Variants in ADAMTSL1 observed in about 807,000 individuals in gnomAD.
ADAMTSL1 encodes ADAMTS like 1.
In ADAMTSL1, 126 loss-of-function variants were observed where a neutral mutation model predicts 201.8. The observed-to-expected ratio is 0.62, with a 90% CI of 0.54 to 0.72. ADAMTSL1 has a LOEUF of 0.72. Ranked by LOEUF, ADAMTSL1 falls within the 30% of genes least tolerant of loss-of-function variation. The probability of loss-of-function intolerance (pLI) is 0.00; values close to 1 mark genes in which losing one functional copy is unlikely to be tolerated. For synonymous variants in ADAMTSL1, 1,121 were observed against 903.4 expected (o/e 1.24, Z -4.32); for missense variants, 2,679 against 2,277.8 (o/e 1.18, Z -3.59).
At chr9:18,247,532 T>C (rs1831304219) in intron 2 of ADAMTSL1, among the ~76,000 whole-genome samples, 2 of 152,184 alleles carry the variant, frequency 1.3e-5, no homozygotes, top group African/African-American at 4.8e-5. Context: ...TGGTGGGAAG[T>C]GCTAAAATGA....
At chr9:18,894,216 G>A (rs940429490) in intron 26 of ADAMTSL1, among the ~76,000 whole-genome samples, 17 of 152,332 alleles carry the variant, frequency 1.1e-4, no homozygotes, top group African/African-American at 2.6e-4. Flanking sequence ...CAGGCACAAC[G>A]GCTCATGCCG....
At chr9:18,796,155 T>C (rs146138744) in intron 20 of ADAMTSL1, among the ~76,000 whole-genome samples, 2 of 152,240 alleles carry the variant, frequency 1.3e-5, no homozygotes, top group Non-Finnish European at 2.9e-5. Context: ...AAAAGACATG[T>C]AGAGCTTTTA....
At chr9:18,213,717 C>T (rs1378209060) in intron 2 of ADAMTSL1, among the ~76,000 whole-genome samples, 1 of 152,074 alleles carries the variant, frequency 6.6e-6, no homozygotes, top group Non-Finnish European at 1.5e-5. Context: ...CCTGAGAGAT[C>T]TGAGACAGAA....
chr9:18,477,889 G>T (rs1258825595), intron 1 of ADAMTSL1, among the ~76,000 whole-genome samples: 2 of 152,102 alleles, frequency 1.3e-5, no homozygotes, highest in Non-Finnish European at 2.9e-5. Flanking sequence ...TAAGTTGAGG[G>T]AAGAGTGTCC....
intron 2 of ADAMTSL1, among the ~76,000 whole-genome samples, chr9:18,344,213 T>C (rs1409106612): frequency 2.0e-5 from 3 of 152,310 alleles, no homozygotes; most frequent in East Asian, 3.9e-4. Flanking sequence ...TAGGCTCTAA[T>C]GATTTTTTTC....
chr9:18,776,458 T>C (rs1820998680), intron 18 of ADAMTSL1, among the ~76,000 whole-genome samples: 1 of 152,202 alleles, frequency 6.6e-6, no homozygotes, highest in South Asian at 2.1e-4. Context: ...TCTAGAACTC[T>C]GCATCTCAGC....
rs367933655 is a variant in ADAMTSL1 at position 18,706,988 on chromosome 9, G to A, written c.1816G>A (p.Asp606Asn). The A allele has an allele frequency of 1.2e-3, 1,982 of 1,613,930 alleles. 34 individuals are homozygous for A. The South Asian group carries it at 0.021, about 17-fold the overall frequency. The change falls in exon 14 of 29, where the codon GAC (aspartate) becomes AAC (asparagine). Residue 606 changes from aspartate to asparagine, a missense_variant. Coordinates refer to ENST00000380548, the MANE Select transcript of ADAMTSL1 (RefSeq NM_001040272.6). ...GCTCTTTGGTGGCCTGCAGGATTTC[G>A]ACGAGCTGTATGACTGGGAGTATGA... Reference protein sequence around the residue: ...DGLFGGLQDFDELYDWEYEGF... With the variant: ...DGLFGGLQDFNELYDWEYEGF...
intron 2 of ADAMTSL1, among the ~76,000 whole-genome samples, chr9:18,400,626 C>G (rs1435668709): frequency 6.6e-6 from 1 of 152,120 alleles, no homozygotes; most frequent in African/African-American, 2.4e-5. Context: ...GAGTGAATTT[C>G]CATTTTGACT....
chr9:18,331,477 C>CA (rs2132909783), intron 2 of ADAMTSL1, among the ~76,000 whole-genome samples: 1 of 152,216 alleles, frequency 6.6e-6, no homozygotes, highest in East Asian at 1.9e-4. Flanking sequence ...TCTGAATGAA[C>CA]AATAGTAATT....
chr9:18,670,919 T>C (rs1564136278), intron 9 of ADAMTSL1, among the ~76,000 whole-genome samples: 1 of 142,348 alleles, frequency 7.0e-6, no homozygotes. Context: ...ATGCCTTCCA[T>C]ATATAAAGTG....
chr9:18,724,859 C>G (rs1005798629), intron 15 of ADAMTSL1, among the ~76,000 whole-genome samples: 3 of 151,994 alleles, frequency 2.0e-5, no homozygotes, highest in Non-Finnish European at 4.4e-5. Context: ...TTTCCTTAAG[C>G]TTAAGGATTT....
intron 1 of ADAMTSL1, among the ~76,000 whole-genome samples, chr9:17,922,827 A>G (rs1465296970): frequency 6.6e-6 from 1 of 152,152 alleles, no homozygotes; most frequent in Non-Finnish European, 1.5e-5. Context: ...TATTTGTAGT[A>G]ACTGCAGTTG....
At chr9:18,515,282 T>G (rs1818295498) in intron 2 of ADAMTSL1, among the ~76,000 whole-genome samples, 1 of 152,152 alleles carries the variant, frequency 6.6e-6, no homozygotes, top group South Asian at 2.1e-4. Context: ...GAGGTTTATC[T>G]CTAGCTCCCT....
At chr9:18,904,329 T>A (rs190235616) in intron 26 of ADAMTSL1, among the ~76,000 whole-genome samples, 1 of 151,916 alleles carries the variant, frequency 6.6e-6, no homozygotes. Context: ...ATTAGCCGGG[T>A]GTGATGGCAC....
At chr9:18,542,091 AG>A (rs1352362269) in intron 3 of ADAMTSL1, among the ~76,000 whole-genome samples, 1 of 152,224 alleles carries the variant, frequency 6.6e-6, no homozygotes, top group African/African-American at 2.4e-5. Flanking sequence ...TGAATAAGTT[AG>A]GGGGACTTTC....
chr9:18,150,783 G>C (rs187788117), intron 1 of ADAMTSL1, among the ~76,000 whole-genome samples: 6 of 152,128 alleles, frequency 3.9e-5, no homozygotes, highest in Non-Finnish European at 7.4e-5. Flanking sequence ...GCAGATGGAA[G>C]AGATTTGCCT....
At chr9:18,234,580 A>C (rs1016729923) in intron 2 of ADAMTSL1, among the ~76,000 whole-genome samples, 2 of 152,190 alleles carry the variant, frequency 1.3e-5, no homozygotes, top group African/African-American at 4.8e-5. Context: ...CAAAACCTGA[A>C]TCCCAGTTTG....
chr9:18,359,222 T>G (rs1836391427), intron 2 of ADAMTSL1, among the ~76,000 whole-genome samples: 1 of 152,206 alleles, frequency 6.6e-6, no homozygotes, highest in East Asian at 1.9e-4. Context: ...AGGAGTTTTG[T>G]GTATAAAGAT....
chr9:18,247,319 G>A (rs964391048), intron 2 of ADAMTSL1, among the ~76,000 whole-genome samples: 13 of 152,086 alleles, frequency 8.5e-5, no homozygotes, highest in African/African-American at 3.1e-4. Context: ...AGATATAGTA[G>A]ATATCATAAT....
Sources: gnomAD v4.1 joint callset for allele counts (sites outside exome capture counted in the v4.1 genomes callset) on GRCh38, gnomAD v4.1.1 for gene constraint, MANE v1.5 for transcripts, NCBI Gene and HGNC (gene_info 2026-07-23, HGNC 2026-07-21) for gene names.